The following PLEKHG3 variants were observed in gnomAD, a reference collection of about 807,000 sequenced individuals.
The protein encoded by PLEKHG3 is pleckstrin homology and RhoGEF domain containing G3, also known as pleckstrin homology domain-containing family G member 3.
A neutral mutation model predicts 94.9 loss-of-function variants in PLEKHG3; 62 were observed. The observed-to-expected ratio is 0.65, with a 90% CI of 0.53 to 0.81. PLEKHG3 has a LOEUF of 0.81. Ranked by LOEUF, PLEKHG3 falls within the 30% of genes least tolerant of loss-of-function variation. The probability of loss-of-function intolerance (pLI) is 0.00; values close to 1 mark genes in which losing one functional copy is unlikely to be tolerated. For missense variants in PLEKHG3, 1,461 were observed against 1,619.3 expected (o/e 0.90, Z 1.68); for synonymous variants, 614 against 654.0 (o/e 0.94, Z 0.93).
chr14:64,737,305 C>G (rs1427363964), intron 13 of PLEKHG3, 51 bp from the exon 14 acceptor site: 2 of 1,484,762 alleles, frequency 1.3e-6, no homozygotes, highest in African/African-American at 1.4e-5. Context: ...TTCCCCTCCC[C>G]TCCCCTGCCC....
In PLEKHG3 at chr14:64,731,448, C is replaced by A; in HGVS notation, c.937C>A (p.Arg313Ser). ...LVLEGTFRVHRVRNERTFFLF... is the reference protein window; with the variant it reads ...LVLEGTFRVHSVRNERTFFLF... ...CCTGGAGGGCACATTCCGCGTGCAT[C>A]GCGTGCGCAATGAAAGGACCTTTTT... The change falls in exon 8 of 17, where the codon CGC (arginine) becomes AGC (serine). Residue 313 changes from arginine to serine, a missense_variant. Transcript: ENST00000247226. This position sits in a 1 kb window ranked among gnomAD's most constrained non-coding sequence, Gnocchi z 6.1. 6.2e-7 allele frequency: 1 copy of A among 1,612,868 alleles called. No individual in the cohort carries two copies. The highest frequency in any genetic ancestry group is 8.5e-7 in the Non-Finnish European group (1 of 1,178,824).
At position 64,747,304 on chromosome 14, in the gene PLEKHG3, C is replaced by G. The variant is rs980441051; in HGVS notation, c.*3601C>G. The G allele has an allele frequency of 2.0e-5, 3 of 152,660 alleles. No individual in the cohort carries two copies. The highest frequency in any genetic ancestry group is 2.9e-5 in the Non-Finnish European group (2 of 68,076). The allele number at this position is 152,660 out of a possible 1,614,324, so 9.5% of individuals were successfully genotyped here. On this transcript the variant is annotated 3_prime_UTR_variant, in exon 17 of 17. Transcript: ENST00000247226. Reference sequence around the variant, plus strand: ...TCTGCCCTTCAGCAAGGAACCTGCTCTCTGCCCCAGAGGAGGACATGCCTG... The same window carrying G: ...TCTGCCCTTCAGCAAGGAACCTGCTGTCTGCCCCAGAGGAGGACATGCCTG...
Position 64,738,302 on chromosome 14 carries a change from T to C in PLEKHG3, c.1405-440T>C, listed in dbSNP as rs780066140. On this transcript the variant is annotated intron_variant, in intron 14 of 16. Coordinates refer to ENST00000247226, the MANE Select transcript of PLEKHG3 (RefSeq NM_001308147.2). The surrounding 1 kb of genome is among the most constrained non-coding windows in gnomAD (Gnocchi z 4.8). Reference sequence around the variant, plus strand: ...ATGCCCACCCGAGGGCCCCCTCTGCTGCCCTCCTCACCCCACCCTGCCCTG... The same window carrying C: ...ATGCCCACCCGAGGGCCCCCTCTGCCGCCCTCCTCACCCCACCCTGCCCTG... 2 of 898,618 alleles carry C rather than the reference T, an allele frequency of 2.2e-6. No homozygotes were observed. The highest frequency in any genetic ancestry group is 3.1e-6 in the Non-Finnish European group (2 of 645,638). The allele number at this position is 898,618 out of a possible 1,614,324, so 55.7% of individuals were successfully genotyped here.
chr14:64,736,235 C>T (rs1016135146), intron 12 of PLEKHG3, among the ~76,000 whole-genome samples: 5 of 152,246 alleles, frequency 3.3e-5, no homozygotes, highest in Non-Finnish European at 5.9e-5. Context: ...CTGGGGTACA[C>T]GGTGATGACA....
intron 12 of PLEKHG3, 141 bp downstream of exon 12, chr14:64,733,042 C>A (rs1429743758): frequency 3.3e-6 from 2 of 601,170 alleles, no homozygotes; most frequent in Non-Finnish European, 6.0e-6. Flanking sequence ...TGGACACACA[C>A]CTGGGGCTCA....
intron 1 of PLEKHG3, among the ~76,000 whole-genome samples, chr14:64,706,204 T>C (rs2080968190): frequency 6.6e-6 from 1 of 152,198 alleles, no homozygotes; most frequent in Non-Finnish European, 1.5e-5. Flanking sequence ...CTCTTCTGCA[T>C]AGCATGGAAG....
rs1287644113 is a variant in PLEKHG3, at chr14:64,749,251, T to C, written c.*5548T>C. The C allele has an allele frequency of 6.5e-7, 1 of 1,535,008 alleles. No homozygotes were observed. Reference sequence around the variant, plus strand: ...GCGGCGGCGAGAGGAGGCCAAGGCCTGGGCTGCCCGGTCTCTGCGCGTCCC... The same window carrying C: ...GCGGCGGCGAGAGGAGGCCAAGGCCCGGGCTGCCCGGTCTCTGCGCGTCCC... On this transcript the variant is annotated 3_prime_UTR_variant, in exon 17 of 17. Transcript: ENST00000247226. The surrounding 1 kb of genome is among the most constrained non-coding windows in gnomAD (Gnocchi z 4.7).
chr14:64,708,956 G>T (rs145270777), intron 1 of PLEKHG3, among the ~76,000 whole-genome samples: 14 of 152,186 alleles, frequency 9.2e-5, no homozygotes, highest in African/African-American at 3.4e-4. Flanking sequence ...TGCAAAGAGG[G>T]CCCTGAACAG....
rs1448752259 is a variant in PLEKHG3 at position 64,732,870 on chromosome 14, C to T, written c.1314C>T (p.Ser438=). Reference sequence around the variant, plus strand: ...CTTGGTCCTCCCAGGATGAGGTGTCCACCAATGTGCGCCAGGGGCGCCGGC... The same window carrying T: ...CTTGGTCCTCCCAGGATGAGGTGTCTACCAATGTGCGCCAGGGGCGCCGGC... The part of the protein sequence containing the change: ...KKAWSSQDEV[S]TNVRQGRRQS... Residue 438 remains serine, a synonymous_variant, in exon 12 of 17, where the codon TCC becomes TCT. Transcript: ENST00000247226. The surrounding 1 kb of genome is among the most constrained non-coding windows in gnomAD (Gnocchi z 4.9). 1 of 1,610,060 alleles carries T rather than the reference C, an allele frequency of 6.2e-7. No individual in the cohort carries two copies. The highest frequency in any genetic ancestry group is 2.2e-5 in the East Asian group (1 of 44,758).
intron 16 of PLEKHG3, among the ~76,000 whole-genome samples, 193 bp downstream of exon 16, chr14:64,742,648 T>C (rs947221442): frequency 5.3e-5 from 8 of 152,100 alleles, no homozygotes; most frequent in Non-Finnish European, 1.2e-4. Context: ...CTTGCTCTCT[T>C]GGTTAAGCCC....
At chr14:64,740,928 C>G in intron 15 of PLEKHG3, 108 bp from the exon 16 acceptor site, 1 of 886,102 alleles carries the variant, frequency 1.1e-6, no homozygotes, top group Non-Finnish European at 1.7e-6. Context: ...GAGTCCTAAA[C>G]TACAGGTCCC....
In PLEKHG3 at chr14:64,738,849, G is replaced by T. The variant is rs886688065; in HGVS notation, c.1512G>T (p.Leu504=). ...KRMSFESISS[L]PEVEPDPEAG... ...TGAGCTTCGAGTCCATTTCTTCCCT[G>T]CCAGAGGTGAGCGACCAGCAGGTGG... Residue 504 remains leucine (L), a synonymous_variant, in exon 15 of 17, where the codon CTG becomes CTT. Coordinates refer to ENST00000247226, the MANE Select transcript of PLEKHG3 (RefSeq NM_001308147.2). This position sits in a 1 kb window ranked among gnomAD's most constrained non-coding sequence, Gnocchi z 4.8. The T allele has an allele frequency of 3.8e-6, 6 of 1,575,328 alleles. No individual in the cohort carries two copies. Among genetic ancestry groups the T allele is most frequent in the African/African-American group, 2.7e-5 (2 of 73,932 alleles).
intron 14 of PLEKHG3, chr14:64,737,839 A>G: frequency 8.7e-7 from 1 of 1,147,430 alleles, no homozygotes; most frequent in Non-Finnish European, 1.1e-6. Context: ...GCTGGTCACG[A>G]GGGGGTCTTG....
chr14:64,732,209 G>A lies in PLEKHG3; in HGVS notation c.1212+28G>A. 2 of 1,586,884 alleles carry A rather than the reference G, an allele frequency of 1.3e-6. No individual in the cohort carries two copies. Among genetic ancestry groups the A allele is most frequent in the Non-Finnish European group, 1.7e-6 (2 of 1,155,244 alleles). On this transcript the variant is annotated intron_variant, in intron 10 of 16. Coordinates refer to ENST00000247226, the MANE Select transcript of PLEKHG3 (RefSeq NM_001308147.2). This position sits in a 1 kb window ranked among gnomAD's most constrained non-coding sequence, Gnocchi z 4.9. ...GAGTTCCCCCAGCTCCTGACTGTGT[G>A]CAAGGAGAATGTGCTCCTCTGAGCC...
chr14:64,740,249 T>C (rs1187648986), intron 15 of PLEKHG3, among the ~76,000 whole-genome samples: 2 of 151,572 alleles, frequency 1.3e-5, no homozygotes, highest in Non-Finnish European at 2.9e-5. Context: ...GATTCTGAAC[T>C]AGAACAGAAG....
Position 64,738,200 on chromosome 14 carries a change from T to G in PLEKHG3, c.1405-542T>G. 1 of 1,289,284 alleles carries G rather than the reference T, an allele frequency of 7.8e-7. No individual in the cohort carries two copies. The highest frequency in any genetic ancestry group is 1.0e-6 in the Non-Finnish European group (1 of 989,138). 79.9% of individuals were successfully genotyped at this position (1,289,284 alleles called of 1,614,324 possible). ...ACTGCTGGCACTATCGGGCCAACGC[T>G]TTACTTTTCTCCCGGGGCGCTATGG... is the stretch of plus-strand genomic sequence containing the variant. On this transcript the variant is annotated intron_variant, in intron 14 of 16. Coordinates refer to ENST00000247226, the MANE Select transcript of PLEKHG3 (RefSeq NM_001308147.2). The surrounding 1 kb of genome is among the most constrained non-coding windows in gnomAD (Gnocchi z 4.8).
At position 64,747,521 on chromosome 14, in the gene PLEKHG3, C is replaced by T. The variant is rs191594037; in HGVS notation, c.*3818C>T. 2.5e-3 allele frequency: 385 copies of T among 152,746 alleles called. 2 individuals carry two copies. The Middle Eastern group carries it at 0.027, about 11-fold the overall frequency. 9.5% of individuals were successfully genotyped at this position (152,746 alleles called of 1,614,324 possible). A position where few individuals can be genotyped will look rare whatever the true frequency, so the allele number is the denominator to read the frequency against. Reference sequence around the variant, plus strand: ...GGGGATGTCAGGCTCCATCGGATGACGTCTTCCTTCCTGTGGCTCCTGCCT... The same window carrying T: ...GGGGATGTCAGGCTCCATCGGATGATGTCTTCCTTCCTGTGGCTCCTGCCT... On this transcript the variant is annotated 3_prime_UTR_variant, in exon 17 of 17. Transcript: ENST00000247226.
chr14:64,712,754 A>G (rs1207581750), intron 1 of PLEKHG3, among the ~76,000 whole-genome samples: 3 of 152,198 alleles, frequency 2.0e-5, no homozygotes, highest in East Asian at 1.9e-4. Flanking sequence ...CATGTTATCT[A>G]TGAATAGAGA....
intron 15 of PLEKHG3, among the ~76,000 whole-genome samples, chr14:64,740,233 T>C (rs771246591): frequency 8.5e-5 from 13 of 152,168 alleles, no homozygotes; most frequent in Non-Finnish European, 1.3e-4. Context: ...TGGGTCTTGC[T>C]CTGCAGATTC....
Sources: gnomAD v4.1 joint callset for allele counts (sites outside exome capture counted in the v4.1 genomes callset) on GRCh38, gnomAD v4.1.1 for gene constraint, Gnocchi (gnomAD v3.1) non-coding constraint, MANE v1.5 for transcripts, NCBI Gene and HGNC (gene_info 2026-07-23, HGNC 2026-07-21) for gene names.